The following LRRFIP1 variants were observed in gnomAD, a reference collection of about 807,000 sequenced individuals.
LRRFIP1 encodes the protein leucine-rich repeat flightless-interacting protein 1.
A neutral mutation model predicts 104.4 loss-of-function variants in LRRFIP1; 62 were observed. The observed-to-expected ratio is 0.59, with a 90% CI of 0.48 to 0.73. LRRFIP1 has a LOEUF of 0.73. Among genes scored for constraint, LRRFIP1 ranks in the 30% least tolerant of loss-of-function variants. The pLI, the probability that LRRFIP1 is intolerant of heterozygous loss-of-function variation, is 0.00. For synonymous variants in LRRFIP1, 300 were observed against 299.0 expected (o/e 1.00, Z -0.03); for missense variants, 796 against 824.5 (o/e 0.97, Z 0.42).
intron 8 of LRRFIP1, among the ~76,000 whole-genome samples, chr2:237,728,436 G>A (rs1048831324): frequency 7.9e-5 from 12 of 152,016 alleles, no homozygotes; most frequent in Non-Finnish European, 1.8e-4. Context: ...CAGTTAAGGG[G>A]TGGGAGGCAG....
chr2:237,630,225 C>G (rs895539903), intron 1 of LRRFIP1, among the ~76,000 whole-genome samples: 1 of 152,196 alleles, frequency 6.6e-6, no homozygotes, highest in Non-Finnish European at 1.5e-5. Flanking sequence ...TTCTATTTCT[C>G]AACTGTGAAA....
At chr2:237,753,601 G>C (rs1010414928) in intron 15 of LRRFIP1, 122 bp downstream of exon 15, 1 of 726,028 alleles carries the variant, frequency 1.4e-6, no homozygotes, top group Non-Finnish European at 2.1e-6. Context: ...TTCGAGACCA[G>C]CCTGGGCAAC....
In LRRFIP1 at chr2:237,677,445, C is replaced by A. The variant is rs142592768; in HGVS notation, c.97-31099C>A. On this transcript the variant is annotated intron_variant, in intron 1 of 23. Transcript: ENST00000308482. ...GTTTCTCCATTCAGCCATCAGTGGA[C>A]ACTTGGGTTGCTTCTACCTACAAAA... Among the ~76,000 whole-genome samples the A allele has an allele frequency of 1.3e-3, 200 of 152,302 alleles. 1 individual carries two copies. The highest frequency in any genetic ancestry group is 4.7e-3 in the African/African-American group (196 of 41,560).
intron 1 of LRRFIP1, among the ~76,000 whole-genome samples, chr2:237,701,397 G>T (rs1024934799): frequency 6.6e-6 from 1 of 152,238 alleles, no homozygotes. Flanking sequence ...TCCAGCGCAG[G>T]CTGAGGCCAT....
At chr2:237,772,643 G>A (rs2060751820) in intron 21 of LRRFIP1, 2 of 583,014 alleles carry the variant, frequency 3.4e-6, no homozygotes, top group Non-Finnish European at 6.1e-6. Flanking sequence ...TCTCTTGCCT[G>A]AGGTTTCCTG....
In LRRFIP1 at chr2:237,772,694, G is replaced by T. The variant is rs2060756154; in HGVS notation, c.1628-172G>T. The T allele has an allele frequency of 2.3e-5, 14 of 605,546 alleles. No individual in the cohort carries two copies. In the East Asian group the frequency reaches 3.9e-4, roughly 17 times the overall value. 37.5% of individuals were successfully genotyped at this position (605,546 alleles called of 1,614,324 possible). On this transcript the variant is annotated intron_variant, in intron 21 of 23. Coordinates refer to ENST00000308482, the MANE Select transcript of LRRFIP1 (RefSeq NM_001137550.2). ...CGGAAGGCACTTTCCCTGGGTTCAT[G>T]GGGAGAGAGTGCCTTCTCCTACTCT...
At position 237,649,972 on chromosome 2, in the gene LRRFIP1, G is replaced by A. The variant is rs2085648009; in HGVS notation, c.96+22232G>A. 1.3e-5 allele frequency among the ~76,000 whole-genome samples: 2 copies of A among 152,070 alleles called. 1 individual carries two copies. Among genetic ancestry groups the A allele is most frequent in the African/African-American group, 4.8e-5 (2 of 41,450 alleles). On this transcript the variant is annotated intron_variant, in intron 1 of 23. Coordinates refer to ENST00000308482, the MANE Select transcript of LRRFIP1 (RefSeq NM_001137550.2). The surrounding 1 kb of genome is among the most constrained non-coding windows in gnomAD (Gnocchi z 4.1). ...CATCCACTGGGCAGATTTTTACTTA[G>A]CACATTCCCTGTGCTGGGGACTTCC... is the stretch of plus-strand genomic sequence containing the variant.
At chr2:237,662,328 C>T (rs2088165992) in intron 1 of LRRFIP1, among the ~76,000 whole-genome samples, 2 of 152,154 alleles carry the variant, frequency 1.3e-5, no homozygotes, top group African/African-American at 2.4e-5. Context: ...CGCAAAAAGC[C>T]TATGTCCAAA....
intron 11 of LRRFIP1, among the ~76,000 whole-genome samples, chr2:237,739,713 C>T (rs2095357706): frequency 6.6e-6 from 1 of 152,174 alleles, no homozygotes; most frequent in Non-Finnish European, 1.5e-5. Context: ...TCCTGGTTCT[C>T]AGATCCTTCG....
chr2:237,735,295 G>T lies in LRRFIP1; in HGVS notation c.517G>T (p.Gly173Cys). The change falls in exon 10 of 24, where the codon GGT becomes TGT. Residue 173 changes from glycine to cysteine, a missense_variant. Physicochemically the swap from Gly to Cys is radical, Grantham distance 159 (BLOSUM62 -3). Coordinates refer to ENST00000308482, the MANE Select transcript of LRRFIP1 (RefSeq NM_001137550.2). The surrounding 1 kb of genome is among the most constrained non-coding windows in gnomAD (Gnocchi z 4.6). ...RASVLDEGSFGGTRRGSTSGS... is the reference protein window; with the variant it reads ...RASVLDEGSFCGTRRGSTSGS... ...GTCTGTGTTGGATGAAGGCAGCTTC[G>T]GTGGGACCCGACGGGGCAGCACCTC... The T allele has an allele frequency of 6.2e-7, 1 of 1,613,488 alleles. No homozygotes were observed. Among genetic ancestry groups the T allele is most frequent in the East Asian group, 2.2e-5 (1 of 44,872 alleles).
chr2:237,714,197 C>T, intron 2 of LRRFIP1, 62 bp from the exon 3 acceptor site: 11 of 1,182,558 alleles, frequency 9.3e-6, no homozygotes, highest in Non-Finnish European at 1.4e-5. Context: ...ACCTTTCATT[C>T]TGATGTTACT....
intron 21 of LRRFIP1, chr2:237,772,500 A>G (rs976216813): frequency 2.3e-5 from 10 of 431,398 alleles, no homozygotes; most frequent in Non-Finnish European, 3.3e-5. Flanking sequence ...ATTGTATGAA[A>G]AAAAAAAAAT....
At chr2:237,731,453 G>T (rs556518232) in intron 8 of LRRFIP1, among the ~76,000 whole-genome samples, 1 of 151,742 alleles carries the variant, frequency 6.6e-6, no homozygotes, top group East Asian at 1.9e-4. Flanking sequence ...TAGTCCCCCA[G>T]TCTGTAATAA....
At chr2:237,759,667 ATTTC>A (rs1441415004) in intron 18 of LRRFIP1, among the ~76,000 whole-genome samples, 2 of 152,132 alleles carry the variant, frequency 1.3e-5, no homozygotes, top group African/African-American at 2.4e-5. Context: ...ACATGTATAT[ATTTC>A]TTTCTTTATC....
intron 1 of LRRFIP1, among the ~76,000 whole-genome samples, chr2:237,681,717 TCGCCCAGGCTGGAGTGCAGTGGCGGGA>T (rs2091856668): frequency 1.2e-5 from 1 of 80,154 alleles, no homozygotes; most frequent in Admixed American, 1.6e-4. Flanking sequence ...TCTCGCTCTG[TCGCCCAGGCTGGAGTGCAGTGGCGGGA>T]TCTCGGCTCA....
chr2:237,638,052 G>A (rs553850266), intron 1 of LRRFIP1, among the ~76,000 whole-genome samples: 4 of 152,284 alleles, frequency 2.6e-5, no homozygotes, highest in South Asian at 2.1e-4. Context: ...ACAGACCAGG[G>A]TGTGGGGATG....
intron 6 of LRRFIP1, 64 bp from the exon 7 acceptor site, chr2:237,723,484 T>G: frequency 5.2e-6 from 8 of 1,538,634 alleles, no homozygotes; most frequent in Non-Finnish European, 7.2e-6. Context: ...ACTTAGCTTT[T>G]AAATTTACTT....
intron 1 of LRRFIP1, among the ~76,000 whole-genome samples, chr2:237,707,878 TG>T (rs1559614557): frequency 6.6e-6 from 1 of 152,220 alleles, no homozygotes; most frequent in Non-Finnish European, 1.5e-5. Flanking sequence ...AGAACCGTTC[TG>T]CTATGATCTT....
In LRRFIP1 at chr2:237,763,887, G is replaced by A. The variant is rs766452536; in HGVS notation, c.1459+3682G>A. On this transcript the variant is annotated intron_variant, in intron 19 of 23. Transcript: ENST00000308482. Reference sequence around the variant, plus strand: ...GAACCAAAGAGCGAAGACGCAGATCGCTGCACCCTGCCCGAACATGAAAGT... The same window carrying A: ...GAACCAAAGAGCGAAGACGCAGATCACTGCACCCTGCCCGAACATGAAAGT... The A allele has an allele frequency of 7.4e-6, 12 of 1,614,110 alleles. 1 individual carries two copies. The highest frequency in any genetic ancestry group is 2.7e-5 in the African/African-American group (2 of 74,934).
Sources: gnomAD v4.1 joint callset for allele counts (sites outside exome capture counted in the v4.1 genomes callset) on GRCh38, gnomAD v4.1.1 for gene constraint, Gnocchi (gnomAD v3.1) non-coding constraint, MANE v1.5 for transcripts, NCBI Gene and HGNC (gene_info 2026-07-23, HGNC 2026-07-21) for gene names.